The following CHST9 variants were observed in gnomAD, a reference collection of about 807,000 sequenced individuals.
CHST9 encodes carbohydrate sulfotransferase 9, also known as GalNAc-4-sulfotransferase 2.
CHST9 carries 41 observed loss-of-function variants against 44.4 expected under a neutral mutation model. The observed-to-expected ratio is 0.92, with a 90% CI of 0.72 to 1.20. CHST9 has a LOEUF of 1.20. Ranked by LOEUF, CHST9 falls within the 50% of genes most tolerant of loss-of-function variation. CHST9 has a pLI of 0.00. For missense variants in CHST9, 504 were observed against 516.5 expected (o/e 0.98, Z 0.23); for synonymous variants, 171 against 178.4 (o/e 0.96, Z 0.33).
chr18:27,061,734 C>T (rs1198585193), intron 2 of CHST9, among the ~76,000 whole-genome samples: 1 of 151,946 alleles, frequency 6.6e-6, no homozygotes, highest in African/African-American at 2.4e-5. Flanking sequence ...CCTTGCAATG[C>T]TGGAGGGACT....
At chr18:27,011,585 G>T (rs2145246566) in intron 4 of CHST9, among the ~76,000 whole-genome samples, 1 of 152,340 alleles carries the variant, frequency 6.6e-6, no homozygotes, top group East Asian at 1.9e-4. Context: ...AAACTAGAGT[G>T]GCTACCCAGA....
intron 2 of CHST9, among the ~76,000 whole-genome samples, chr18:27,102,618 A>T (rs1357219321): frequency 2.0e-5 from 3 of 152,256 alleles, no homozygotes; most frequent in African/African-American, 7.2e-5. Flanking sequence ...CGATATTATC[A>T]CCTCAAAATT....
chr18:27,102,136 G>C (rs1381978963), intron 2 of CHST9, among the ~76,000 whole-genome samples: 2 of 152,110 alleles, frequency 1.3e-5, no homozygotes, highest in Non-Finnish European at 2.9e-5. Flanking sequence ...CCAAAGTTTG[G>C]TACCCAAAAT....
chr18:27,032,235 C>T lies in CHST9; in HGVS notation c.161-8078G>A, dbSNP rs997358450. On this transcript the variant is annotated intron_variant, in intron 3 of 5. Transcript: ENST00000618847. Reference sequence around the variant, plus strand: ...GTAGCCTGTGACTGGCACACAGAAACACCCCGTATGTGAAGCCTTAGAGGT... The same window carrying T: ...GTAGCCTGTGACTGGCACACAGAAATACCCCGTATGTGAAGCCTTAGAGGT... 3.3e-5 allele frequency among the ~76,000 whole-genome samples: 5 copies of T among 152,166 alleles called. No homozygotes were observed. In the South Asian group the frequency reaches 8.3e-4, roughly 25 times the overall value.
At chr18:27,127,031 C>T (rs1356200555) in intron 2 of CHST9, among the ~76,000 whole-genome samples, 1 of 152,134 alleles carries the variant, frequency 6.6e-6, no homozygotes, top group Non-Finnish European at 1.5e-5. Flanking sequence ...TGCACCACTA[C>T]TGAATCGGAG....
rs557206262 is a variant in CHST9 at position 27,094,690 on chromosome 18, A to G, written c.122-46187T>C. Among the ~76,000 whole-genome samples the G allele has an allele frequency of 3.9e-5, 6 of 152,316 alleles. No homozygotes were observed. The South Asian group carries it at 1.2e-3, about 32-fold the overall frequency. ...TAAAGTGTTATGTTCATATAATAAT[A>G]GATACAAAGCTTGGACATTTTTACT... On this transcript the variant is annotated intron_variant, in intron 2 of 5. Transcript: ENST00000618847.
chr18:27,059,415 T>C (rs545739489), intron 2 of CHST9, among the ~76,000 whole-genome samples: 1 of 152,376 alleles, frequency 6.6e-6, no homozygotes, highest in Non-Finnish European at 1.5e-5. Context: ...TGGGTAGATT[T>C]ACTTCTAAAG....
intron 2 of CHST9, among the ~76,000 whole-genome samples, chr18:27,073,832 C>T (rs2057870029): frequency 6.6e-6 from 1 of 152,012 alleles, no homozygotes; most frequent in Non-Finnish European, 1.5e-5. Context: ...TATATACTGA[C>T]TATATATAGT....
rs188878236 is a variant in CHST9, at chr18:26,997,301, T to G, written c.202+26815A>C. Among the ~76,000 whole-genome samples the G allele has an allele frequency of 1.7e-4, 26 of 152,348 alleles. No individual in the cohort carries two copies. The East Asian group carries it at 4.6e-3, about 27-fold the overall frequency. On this transcript the variant is annotated intron_variant, in intron 4 of 5. Coordinates refer to ENST00000618847, the MANE Select transcript of CHST9 (RefSeq NM_031422.6). ...ATTCTAAGTAGAGAAAGTGTTATTA[T>G]TAGTAGTATAATCCTGAGCTATAAA...
intron 2 of CHST9, among the ~76,000 whole-genome samples, chr18:27,091,816 A>G (rs1024653561): frequency 6.6e-6 from 1 of 152,194 alleles, no homozygotes; most frequent in Admixed American, 6.5e-5. Context: ...ATAGTGGATA[A>G]GCTTTTTGAT....
intron 1 of CHST9, among the ~76,000 whole-genome samples, chr18:27,153,076 G>C (rs2058670849): frequency 6.6e-6 from 1 of 152,172 alleles, no homozygotes; most frequent in African/African-American, 2.4e-5. Context: ...GAATACCGAA[G>C]TGGGTGCTGT....
In CHST9 at chr18:26,910,426, C is replaced by T. The variant is rs886740438; in HGVS notation, c.*5833G>A. 6.6e-6 allele frequency: 1 copy of T among 152,202 alleles called. No individual in the cohort carries two copies. Among genetic ancestry groups the T allele is most frequent in the Non-Finnish European group, 1.5e-5 (1 of 68,112 alleles). The allele number at this position is 152,202 out of a possible 1,614,324, so 9.4% of individuals were successfully genotyped here. On this transcript the variant is annotated 3_prime_UTR_variant, in exon 6 of 6. Coordinates refer to ENST00000618847, the MANE Select transcript of CHST9 (RefSeq NM_031422.6). ...AAGGAATACACTCTTCAGAGCAGGA[C>T]TTGAAAAGTGAGATGCTTAGGGGCC...
chr18:26,944,447 G>A (rs1188207871), intron 4 of CHST9, 81 bp from the exon 5 acceptor site: 1 of 989,936 alleles, frequency 1.0e-6, no homozygotes, highest in African/African-American at 1.6e-5. Flanking sequence ...TCTGTTTACA[G>A]TAAACACTTC....
At chr18:26,923,611 T>C (rs1165560491) in intron 5 of CHST9, among the ~76,000 whole-genome samples, 1 of 152,220 alleles carries the variant, frequency 6.6e-6, no homozygotes, top group Admixed American at 6.5e-5. Context: ...CTTGAGACTT[T>C]GATCATTCTT....
At chr18:27,075,020 T>TA (rs35776953) in intron 2 of CHST9, among the ~76,000 whole-genome samples, 34,797 of 150,444 alleles carry the variant, frequency 0.23, 4,822 homozygotes, top group East Asian at 0.47. Context: ...TTCTTTTTTT[T>TA]ATGTGTAAAA....
intron 4 of CHST9, among the ~76,000 whole-genome samples, chr18:27,004,659 CTCTT>C (rs2145232978): frequency 6.6e-6 from 1 of 152,284 alleles, no homozygotes; most frequent in South Asian, 2.1e-4. Context: ...ATTTCAAAAT[CTCTT>C]TCACAGTAAT....
chr18:27,141,591 CAAAAAAAAAAAAA>C (rs34920055), intron 2 of CHST9, among the ~76,000 whole-genome samples: 1 of 50,098 alleles, frequency 2.0e-5, no homozygotes, highest in Non-Finnish European at 3.5e-5. Flanking sequence ...AATCCCGACT[CAAAAAAAAAAAAA>C]AAAAAAAAAA....
intron 4 of CHST9, among the ~76,000 whole-genome samples, chr18:27,008,896 GGTTCT>G (rs2057049376): frequency 6.7e-6 from 1 of 149,110 alleles, no homozygotes; most frequent in African/African-American, 2.5e-5. Flanking sequence ...TTGTTTTTTT[GGTTCT>G]GTTCTGTTCT....
At chr18:27,072,358 G>A (rs1050854792) in intron 2 of CHST9, among the ~76,000 whole-genome samples, 3 of 152,010 alleles carry the variant, frequency 2.0e-5, no homozygotes, top group African/African-American at 7.2e-5. Context: ...AACCAGGGTT[G>A]TCAGCAACAA....
Sources: allele counts gnomAD v4.1 joint callset (sites outside exome capture counted in the v4.1 genomes callset), GRCh38; gene constraint gnomAD v4.1.1; transcripts MANE v1.5; gene names NCBI Gene and HGNC (gene_info 2026-07-23, HGNC 2026-07-21).